CPNE4: variants seen among roughly 807,000 people sequenced by gnomAD.
The protein encoded by CPNE4 is copine 4.
CPNE4 carries 25 observed loss-of-function variants against 67.9 expected under a neutral mutation model. The ratio of observed to expected loss-of-function variants is 0.37; its 90% CI spans 0.27 to 0.51. The LOEUF (loss-of-function observed/expected upper bound fraction) is 0.51. Ranked by LOEUF, CPNE4 falls within the 20% of genes least tolerant of loss-of-function variation. CPNE4 has a pLI of 0.93. For synonymous variants in CPNE4, 242 were observed against 244.9 expected (o/e 0.99, Z 0.11); for missense variants, 464 against 690.8 (o/e 0.67, Z 3.68).
chr3:131,709,697 G>A lies in CPNE4; in HGVS notation c.361-9717C>T, dbSNP rs186004094. On this transcript the variant is annotated intron_variant, in intron 3 of 15. Coordinates refer to ENST00000429747, the MANE Select transcript of CPNE4 (RefSeq NM_130808.3). ...AAGCAAGTTACTTCAAGGTTCAAAT[G>A]CTTAGCAGCAAAATGAAGAAATAAT... 1.6e-3 allele frequency among the ~76,000 whole-genome samples: 243 copies of A among 152,328 alleles called. 1 individual carries two copies. Among genetic ancestry groups the A allele is most frequent in the African/African-American group, 5.1e-3 (212 of 41,578 alleles).
intron 1 of CPNE4, among the ~76,000 whole-genome samples, chr3:131,924,182 CAT>C (rs2070828366): frequency 6.6e-6 from 1 of 152,202 alleles, no homozygotes; most frequent in Non-Finnish European, 1.5e-5. Flanking sequence ...AGCCACATGA[CAT>C]ATCTTGTCTC....
chr3:131,977,641 C>T lies in CPNE4; in HGVS notation c.-2+56926G>A, dbSNP rs565522335. On this transcript the variant is annotated intron_variant, in intron 1 of 15. Transcript: ENST00000429747. Reference sequence around the variant, plus strand: ...TTCAGTTTCAAGCATCTCCTCTATGCGGTTCTTTTTTTAAAAATTTTCCTA... The same window carrying T: ...TTCAGTTTCAAGCATCTCCTCTATGTGGTTCTTTTTTTAAAAATTTTCCTA... Among the ~76,000 whole-genome samples, 40 of 152,062 alleles carry T rather than the reference C, an allele frequency of 2.6e-4. 1 individual carries two copies. Among genetic ancestry groups the T allele is most frequent in the South Asian group, 2.1e-3 (10 of 4,802 alleles).
chr3:131,953,250 A>ATAAAT (rs1181307950), intron 1 of CPNE4, among the ~76,000 whole-genome samples: 1 of 141,872 alleles, frequency 7.0e-6, no homozygotes, highest in South Asian at 2.2e-4. Flanking sequence ...AAAAAAAAAA[A>ATAAAT]AAAAAAAAAA....
chr3:131,564,216 C>A lies in CPNE4; in HGVS notation c.1061G>T (p.Ser354Ile). Residue 354 changes from serine to isoleucine, a missense_variant and splice_region_variant, in exon 11 of 16, where the codon AGT becomes ATT. Ser to Ile is a moderately radical substitution (Grantham distance 142). Transcript: ENST00000429747. ...CTCCAAATGTCCTGAAGCCTCTTACCTGTCATAGTCTTGGCAAATCTCCCC... is the reference window on the plus strand; with the variant it reads ...CTCCAAATGTCCTGAAGCCTCTTACATGTCATAGTCTTGGCAAATCTCCCC... Reference protein sequence around the residue: ...AVGEICQDYDSDKMFPAFGFG... With the variant: ...AVGEICQDYDIDKMFPAFGFG... 6.2e-7 allele frequency: 1 copy of A among 1,612,716 alleles called. No homozygotes were observed. Among genetic ancestry groups the A allele is most frequent in the South Asian group, 1.1e-5 (1 of 91,058 alleles).
chr3:131,566,548 A>G (rs1937067998), intron 10 of CPNE4, among the ~76,000 whole-genome samples: 1 of 152,070 alleles, frequency 6.6e-6, no homozygotes, highest in East Asian at 1.9e-4. Flanking sequence ...GGTGAAGAGC[A>G]CCTCAGGATC....
intron 2 of CPNE4, among the ~76,000 whole-genome samples, chr3:131,848,974 A>C (rs1045883736): frequency 2.9e-5 from 4 of 139,424 alleles, no homozygotes; most frequent in South Asian, 2.3e-4. Context: ...AAAAAAAAAA[A>C]AAAAAAAACA....
At chr3:132,009,753 C>T (rs1207788750) in intron 1 of CPNE4, among the ~76,000 whole-genome samples, 2 of 152,344 alleles carry the variant, frequency 1.3e-5, no homozygotes, top group Non-Finnish European at 2.9e-5. Context: ...AAGTAACTCT[C>T]ACTTAATCAG....
intron 5 of CPNE4, among the ~76,000 whole-genome samples, chr3:131,692,520 G>A (rs1056975587): frequency 9.2e-5 from 14 of 152,132 alleles, no homozygotes; most frequent in African/African-American, 2.9e-4. Context: ...TGGCACATGA[G>A]CCAAATCTGG....
chr3:131,816,141 A>C (rs2084732217), intron 2 of CPNE4, among the ~76,000 whole-genome samples: 1 of 152,024 alleles, frequency 6.6e-6, no homozygotes, highest in Admixed American at 6.6e-5. Flanking sequence ...AGATCCTAAA[A>C]CCCACTGTAA....
rs73875005 is a variant in CPNE4 at position 131,734,219 on chromosome 3, C to G, written c.181-10594G>C. Reference sequence around the variant, plus strand: ...TTCACCCTATGCCCACTTCTCTTTCCCATGGCACTTTGTTGTAAATCAGGA... The same window carrying G: ...TTCACCCTATGCCCACTTCTCTTTCGCATGGCACTTTGTTGTAAATCAGGA... On this transcript the variant is annotated intron_variant, in intron 2 of 15. Coordinates refer to ENST00000429747, the MANE Select transcript of CPNE4 (RefSeq NM_130808.3). Among the ~76,000 whole-genome samples, 1,421 of 152,292 alleles carry G rather than the reference C, an allele frequency of 9.3e-3. 17 individuals are homozygous for G. Among genetic ancestry groups the G allele is most frequent in the African/African-American group, 0.032 (1,337 of 41,554 alleles).
intron 2 of CPNE4, among the ~76,000 whole-genome samples, chr3:131,779,106 A>G (rs2083366461): frequency 6.6e-6 from 1 of 152,130 alleles, no homozygotes; most frequent in Non-Finnish European, 1.5e-5. Context: ...AAAGAATAAA[A>G]TACCTAGGAA....
intron 2 of CPNE4, among the ~76,000 whole-genome samples, chr3:131,807,225 G>C (rs373130394): frequency 7.9e-5 from 12 of 152,274 alleles, no homozygotes; most frequent in East Asian, 7.7e-4. Flanking sequence ...TTGAACAGAA[G>C]TTTCCTTGCC....
At chr3:131,856,190 G>A (rs749612612) in intron 2 of CPNE4, among the ~76,000 whole-genome samples, 17 of 151,864 alleles carry the variant, frequency 1.1e-4, no homozygotes, top group Non-Finnish European at 2.2e-4. Context: ...AACATCTTTG[G>A]TGTACCCAAT....
chr3:131,864,179 G>A (rs1467785950), intron 2 of CPNE4, among the ~76,000 whole-genome samples: 1 of 151,172 alleles, frequency 6.6e-6, no homozygotes, highest in East Asian at 2.0e-4. Context: ...GGCTTGACTT[G>A]GCAATGCGGG....
intron 1 of CPNE4, among the ~76,000 whole-genome samples, chr3:131,915,027 A>G (rs538591063): frequency 6.6e-6 from 1 of 152,272 alleles, no homozygotes; most frequent in South Asian, 2.1e-4. Context: ...ACTAATATTA[A>G]CTACAGTAAT....
chr3:131,941,845 A>G (rs1287820097), intron 1 of CPNE4, among the ~76,000 whole-genome samples: 3 of 152,120 alleles, frequency 2.0e-5, no homozygotes, highest in African/African-American at 7.2e-5. Flanking sequence ...CTTTGACAAT[A>G]TAAGACTTTA....
At chr3:131,696,509 T>G in intron 5 of CPNE4, 33 bp downstream of exon 5, 1 of 1,594,214 alleles carries the variant, frequency 6.3e-7, no homozygotes, top group Non-Finnish European at 8.6e-7. Context: ...GCTTTGTTAC[T>G]TCCTTCAATA....
intron 2 of CPNE4, among the ~76,000 whole-genome samples, chr3:131,869,856 A>G (rs1388400875): frequency 2.0e-5 from 3 of 152,180 alleles, no homozygotes; most frequent in African/African-American, 7.2e-5. Context: ...TTGGCACTGT[A>G]AGTACCACAA....
chr3:131,872,158 AT>A (rs573732532), intron 2 of CPNE4, among the ~76,000 whole-genome samples: 7 of 151,938 alleles, frequency 4.6e-5, no homozygotes, highest in Admixed American at 2.0e-4. Flanking sequence ...AATAGGATGT[AT>A]GCGTGTGTAT....
Sources: gnomAD v4.1 joint callset for allele counts (sites outside exome capture counted in the v4.1 genomes callset) on GRCh38, gnomAD v4.1.1 for gene constraint, MANE v1.5 for transcripts, NCBI Gene and HGNC (gene_info 2026-07-23, HGNC 2026-07-21) for gene names.